The following NCALD variants were observed in gnomAD, a reference collection of about 807,000 sequenced individuals.
NCALD encodes neurocalcin-delta.
A neutral mutation model predicts 18.6 loss-of-function variants in NCALD; 10 were observed. The ratio of observed to expected loss-of-function variants is 0.54; its 90% CI spans 0.33 to 0.91. The LOEUF (loss-of-function observed/expected upper bound fraction) is 0.91, where lower values mean the gene tolerates loss of function less well. Among genes scored for constraint, NCALD ranks in the 40% least tolerant of loss-of-function variants. The pLI, the probability that NCALD is intolerant of heterozygous loss-of-function variation, is 0.03. For missense variants in NCALD, 184 were observed against 247.6 expected (o/e 0.74, Z 1.72); for synonymous variants, 88 against 87.4 (o/e 1.01, Z -0.04).
At chr8:101,741,056 C>T (rs536102813) in intron 1 of NCALD, among the ~76,000 whole-genome samples, 23 of 152,242 alleles carry the variant, frequency 1.5e-4, no homozygotes, top group African/African-American at 5.5e-4. Context: ...GTAGTATTTT[C>T]CTGGACTATC....
intron 1 of NCALD, chr8:101,745,954 G>A (rs1473680669): frequency 6.6e-6 from 1 of 152,134 alleles, no homozygotes; most frequent in African/African-American, 2.4e-5. Context: ...TCTCTGCTTC[G>A]ATCATTACGC....
At chr8:101,941,899 G>A (rs1278283949) in intron 2 of NCALD, among the ~76,000 whole-genome samples, 1 of 152,174 alleles carries the variant, frequency 6.6e-6, no homozygotes, top group South Asian at 2.1e-4. Context: ...ACCAAAACCA[G>A]TAAGTGGTAA....
chr8:101,695,614 C>T (rs1814955425), intron 2 of NCALD, among the ~76,000 whole-genome samples: 1 of 152,122 alleles, frequency 6.6e-6, no homozygotes, highest in Non-Finnish European at 1.5e-5. Flanking sequence ...AAATGTTACC[C>T]TCCTCCAGGA....
intron 1 of NCALD, among the ~76,000 whole-genome samples, chr8:102,061,367 C>A (rs1823843905): frequency 6.6e-6 from 1 of 152,152 alleles, no homozygotes; most frequent in Non-Finnish European, 1.5e-5. Context: ...ACATTTGGGA[C>A]CTAAACAAAA....
At chr8:101,770,259 C>CATT (rs1811528143) in intron 1 of NCALD, among the ~76,000 whole-genome samples, 1 of 152,088 alleles carries the variant, frequency 6.6e-6, no homozygotes, top group African/African-American at 2.4e-5. Flanking sequence ...AGCTAAGGAA[C>CATT]ATTAGTTGGT....
At chr8:101,868,421 G>A (rs1486484728) in intron 4 of NCALD, among the ~76,000 whole-genome samples, 2 of 152,088 alleles carry the variant, frequency 1.3e-5, no homozygotes, top group African/African-American at 2.4e-5. Flanking sequence ...GCTGATTCAC[G>A]CTGACTTCCT....
intron 1 of NCALD, among the ~76,000 whole-genome samples, chr8:102,042,788 G>A (rs571987070): frequency 6.6e-6 from 1 of 151,162 alleles, no homozygotes; most frequent in Non-Finnish European, 1.5e-5. Flanking sequence ...AAAGGGTAAG[G>A]GCAGAAAGCA....
chr8:101,957,772 C>G (rs1482841916), intron 2 of NCALD, among the ~76,000 whole-genome samples: 1 of 152,114 alleles, frequency 6.6e-6, no homozygotes, highest in Non-Finnish European at 1.5e-5. Context: ...AGTGCTTTGT[C>G]TATGGTGTGA....
chr8:101,692,460 T>G, intron 3 of NCALD: 1 of 985,464 alleles, frequency 1.0e-6, no homozygotes, highest in Non-Finnish European at 1.2e-6. Context: ...GGACCCAGCC[T>G]GCTATAGCCT....
intron 2 of NCALD, among the ~76,000 whole-genome samples, chr8:101,981,283 G>T (rs764075401): frequency 3.9e-5 from 6 of 151,994 alleles, no homozygotes; most frequent in Non-Finnish European, 8.8e-5. Flanking sequence ...GAAACCTTGT[G>T]GGTTCCTTCA....
intron 3 of NCALD, among the ~76,000 whole-genome samples, chr8:101,910,330 A>G (rs1303326072): frequency 7.2e-6 from 1 of 139,036 alleles, no homozygotes; most frequent in African/African-American, 3.0e-5. Context: ...ACATGAGAGG[A>G]GGAGGTATGA....
intron 2 of NCALD, among the ~76,000 whole-genome samples, chr8:101,919,345 G>A (rs1400567388): frequency 6.6e-6 from 1 of 152,082 alleles, no homozygotes; most frequent in East Asian, 1.9e-4. Flanking sequence ...GAATGAAACT[G>A]TACCCCTACC....
chr8:101,947,133 A>G (rs1049316896), intron 2 of NCALD, among the ~76,000 whole-genome samples: 2 of 152,326 alleles, frequency 1.3e-5, no homozygotes, highest in African/African-American at 4.8e-5. Flanking sequence ...ACAAAGCACA[A>G]TCAAAGCAAT....
rs138416311 is a variant in NCALD, at chr8:102,123,079, T to C, written c.-210+1158A>G. On this transcript the variant is annotated intron_variant, in intron 1 of 6. Coordinates refer to the NCALD transcript ENST00000311028. ...GCCATAAAACACGGGGATCTCCCAATTGGAGTGAAAAACCTCACAAGCATT... is the reference window on the plus strand; with the variant it reads ...GCCATAAAACACGGGGATCTCCCAACTGGAGTGAAAAACCTCACAAGCATT... Among the ~76,000 whole-genome samples, 10 of 152,330 alleles carry C rather than the reference T, an allele frequency of 6.6e-5. No homozygotes were observed. The East Asian group carries it at 7.7e-4, about 12-fold the overall frequency.
Position 101,801,193 on chromosome 8 carries a change from T to A in NCALD, c.-19-81545A>T, listed in dbSNP as rs180755786. ...TGCTACTAAAGATATAAATACTTCA[T>A]AATTTACCTTTCCAAATATGTACAC... On this transcript the variant is annotated intron_variant, in intron 4 of 6. Coordinates refer to the NCALD transcript ENST00000311028. 3.9e-5 allele frequency among the ~76,000 whole-genome samples: 6 copies of A among 152,306 alleles called. No homozygotes were observed. The East Asian group carries it at 1.2e-3, about 29-fold the overall frequency.
intron 1 of NCALD, among the ~76,000 whole-genome samples, chr8:101,772,949 GTATAT>G (rs1182522210): frequency 6.6e-6 from 1 of 152,144 alleles, no homozygotes; most frequent in African/African-American, 2.4e-5. Flanking sequence ...GTAGACCCTA[GTATAT>G]TATATCATAT....
chr8:101,812,545 C>T (rs1479075134), intron 4 of NCALD, among the ~76,000 whole-genome samples: 1 of 152,028 alleles, frequency 6.6e-6, no homozygotes, highest in African/African-American at 2.4e-5. Flanking sequence ...GAAACTTCAC[C>T]GTGAAATCCT....
chr8:102,067,044 C>G (rs1168165688), intron 1 of NCALD, among the ~76,000 whole-genome samples: 1 of 152,146 alleles, frequency 6.6e-6, no homozygotes, highest in Non-Finnish European at 1.5e-5. Context: ...AGGAAGATTC[C>G]AGAAGACTGA....
chr8:101,822,518 C>T lies in NCALD; in HGVS notation c.-20+64623G>A, dbSNP rs140806027. Among the ~76,000 whole-genome samples the T allele has an allele frequency of 3.5e-3, 529 of 152,238 alleles. 6 individuals carry two copies. The highest frequency in any genetic ancestry group is 0.012 in the African/African-American group (512 of 41,532). On this transcript the variant is annotated intron_variant, in intron 4 of 6. Coordinates refer to the NCALD transcript ENST00000311028. The stretch of plus-strand genomic sequence containing the variant: ...ATTAGATCCAAGCAGTGGGAGACAT[C>T]GGTGGGCATGGAAAGGGCGAAGAGG...
Sources: gnomAD v4.1 joint callset for allele counts (sites outside exome capture counted in the v4.1 genomes callset) on GRCh38, gnomAD v4.1.1 for gene constraint, MANE v1.5 for transcripts, NCBI Gene and HGNC (gene_info 2026-07-23, HGNC 2026-07-21) for gene names.